CADM2: variants seen among roughly 807,000 people sequenced by gnomAD.
The protein encoded by CADM2 is immunoglobulin superfamily member 4D.
CADM2 carries 12 observed loss-of-function variants against 49.8 expected under a neutral mutation model. The ratio of observed to expected loss-of-function variants is 0.24; its 90% CI spans 0.15 to 0.39. CADM2 has a LOEUF of 0.39. Among genes scored for constraint, CADM2 ranks in the 10% least tolerant of loss-of-function variants. The probability of loss-of-function intolerance (pLI) is 1.00; values close to 1 mark genes in which losing one functional copy is unlikely to be tolerated. For missense variants in CADM2, 378 were observed against 492.3 expected (o/e 0.77, Z 2.20); for synonymous variants, 214 against 175.4 (o/e 1.22, Z -1.74).
At chr3:85,254,552 C>T (rs1263986816) in intron 1 of CADM2, among the ~76,000 whole-genome samples, 1 of 152,044 alleles carries the variant, frequency 6.6e-6, no homozygotes, top group Non-Finnish European at 1.5e-5. Flanking sequence ...CCAGGAATCT[C>T]ATTAGCCTAC....
chr3:85,931,418 C>T lies in CADM2; in HGVS notation c.701-4349C>T, dbSNP rs571287755. Among the ~76,000 whole-genome samples, 8 of 151,740 alleles carry T rather than the reference C, an allele frequency of 5.3e-5. No individual in the cohort carries two copies. The South Asian group carries it at 1.3e-3, about 24-fold the overall frequency. On this transcript the variant is annotated intron_variant, in intron 6 of 9. Coordinates refer to ENST00000383699, the MANE Select transcript of CADM2 (RefSeq NM_001167675.2). ...TGATCACACCCCTGCAATCCAGCCTCGGGGACAGAGTGAGACCTTGTCTGA... is the reference window on the plus strand; with the variant it reads ...TGATCACACCCCTGCAATCCAGCCTTGGGGACAGAGTGAGACCTTGTCTGA...
At chr3:85,973,742 G>A (rs567949790) in intron 8 of CADM2, among the ~76,000 whole-genome samples, 1 of 151,836 alleles carries the variant, frequency 6.6e-6, no homozygotes, top group South Asian at 2.1e-4. Flanking sequence ...AATGGATATA[G>A]AGCTAGTGGG....
chr3:85,858,009 T>C (rs1293834821), intron 3 of CADM2, among the ~76,000 whole-genome samples: 1 of 152,212 alleles, frequency 6.6e-6, no homozygotes, highest in Non-Finnish European at 1.5e-5. Context: ...ACCATTAACT[T>C]TCAGTCCTAA....
chr3:85,832,190 TG>T (rs2074216231), intron 3 of CADM2, among the ~76,000 whole-genome samples: 3 of 151,932 alleles, frequency 2.0e-5, no homozygotes, highest in Admixed American at 2.0e-4. Flanking sequence ...TTGCTGTGTG[TG>T]TCTGTTTTTG....
chr3:85,651,944 A>G (rs1334463330), intron 1 of CADM2, among the ~76,000 whole-genome samples: 1 of 143,782 alleles, frequency 7.0e-6, no homozygotes, highest in Non-Finnish European at 1.5e-5. Context: ...TAGCCTCCCG[A>G]GTAGCTGGGA....
chr3:85,977,868 C>T (rs970499507), intron 8 of CADM2, among the ~76,000 whole-genome samples: 2 of 151,470 alleles, frequency 1.3e-5, no homozygotes, highest in Non-Finnish European at 3.0e-5. Flanking sequence ...GATAAGAGAG[C>T]GATCTCATGC....
intron 1 of CADM2, among the ~76,000 whole-genome samples, chr3:85,257,031 C>A (rs1292543476): frequency 6.6e-6 from 1 of 152,088 alleles, no homozygotes; most frequent in African/African-American, 2.4e-5. Context: ...TTCCTAACAT[C>A]TCTAGGTGAC....
chr3:85,072,912 C>T (rs1434952332), intron 1 of CADM2, among the ~76,000 whole-genome samples: 1 of 152,024 alleles, frequency 6.6e-6, no homozygotes, highest in Non-Finnish European at 1.5e-5. Context: ...CATTGCAGGA[C>T]ATTTAACCCT....
chr3:85,611,268 A>T (rs528581532), intron 1 of CADM2, among the ~76,000 whole-genome samples: 52 of 151,796 alleles, frequency 3.4e-4, no homozygotes, highest in East Asian at 1.9e-3. Context: ...TTTCTGTGAA[A>T]GCATACATTT....
chr3:86,004,422 C>T (rs1730535922), intron 8 of CADM2, among the ~76,000 whole-genome samples: 1 of 152,180 alleles, frequency 6.6e-6, no homozygotes, highest in Admixed American at 6.5e-5. Flanking sequence ...TTAAAAGATC[C>T]TGTCATTTTT....
At chr3:85,897,611 T>G (rs1413500550) in intron 5 of CADM2, among the ~76,000 whole-genome samples, 1 of 152,090 alleles carries the variant, frequency 6.6e-6, no homozygotes, top group African/African-American at 2.4e-5. Flanking sequence ...ATAACTCGAT[T>G]TTTTTATTTC....
chr3:85,977,330 T>C (rs1356992054), intron 8 of CADM2, among the ~76,000 whole-genome samples: 1 of 151,430 alleles, frequency 6.6e-6, no homozygotes, highest in African/African-American at 2.4e-5. Context: ...ACCAACATGT[T>C]ATAATCTGTG....
At chr3:85,339,514 G>C (rs910755947) in intron 1 of CADM2, among the ~76,000 whole-genome samples, 1 of 150,986 alleles carries the variant, frequency 6.6e-6, no homozygotes, top group Non-Finnish European at 1.5e-5. Flanking sequence ...TAATTTTTCT[G>C]TGCCCTTCCT....
intron 1 of CADM2, among the ~76,000 whole-genome samples, chr3:85,579,414 A>G (rs1250704134): frequency 6.6e-6 from 1 of 152,094 alleles, no homozygotes; most frequent in East Asian, 1.9e-4. Flanking sequence ...AGATGTGTGC[A>G]TGCAACAGCA....
At chr3:86,033,588 GT>G (rs1332784873) in intron 8 of CADM2, among the ~76,000 whole-genome samples, 1 of 150,032 alleles carries the variant, frequency 6.7e-6, no homozygotes, top group African/African-American at 2.4e-5. Flanking sequence ...TACTGCTTTA[GT>G]TTTTTCCTTC....
chr3:85,769,557 A>ATATAG (rs1559644604), intron 2 of CADM2, among the ~76,000 whole-genome samples: 2,015 of 69,720 alleles, frequency 0.029, 317 homozygotes, highest in African/African-American at 0.076. Context: ...ACATATATGT[A>ATATAG]TATATACACG....
intron 1 of CADM2, among the ~76,000 whole-genome samples, chr3:85,470,897 A>C (rs1375741930): frequency 6.6e-6 from 1 of 152,142 alleles, no homozygotes; most frequent in Non-Finnish European, 1.5e-5. Flanking sequence ...TATTGTCATA[A>C]CCAATTAACT....
intron 1 of CADM2, among the ~76,000 whole-genome samples, chr3:85,636,059 TTAC>T (rs1384140559): frequency 3.9e-5 from 6 of 152,196 alleles, no homozygotes; most frequent in Admixed American, 3.9e-4. Flanking sequence ...GCTTATGTAT[TTAC>T]TACAATTTTT....
At chr3:85,966,389 T>C (rs1202620647) in intron 8 of CADM2, among the ~76,000 whole-genome samples, 1 of 151,728 alleles carries the variant, frequency 6.6e-6, no homozygotes, top group Non-Finnish European at 1.5e-5. Flanking sequence ...TTTTTTCTTT[T>C]ACCGTAGTAA....
Sources: allele counts gnomAD v4.1 joint callset (sites outside exome capture counted in the v4.1 genomes callset), GRCh38; gene constraint gnomAD v4.1.1; transcripts MANE v1.5; gene names NCBI Gene and HGNC (gene_info 2026-07-23, HGNC 2026-07-21).